ROBO2: variants seen among roughly 807,000 people sequenced by gnomAD.
ROBO2 encodes the protein roundabout guidance receptor 2.
A neutral mutation model predicts 160.8 loss-of-function variants in ROBO2; 53 were observed. That is an observed-to-expected ratio of 0.33 (90% confidence interval 0.26 to 0.41). The LOEUF is 0.41. Ranked by LOEUF, ROBO2 falls within the 10% of genes least tolerant of loss-of-function variation. The pLI, the probability that ROBO2 is intolerant of heterozygous loss-of-function variation, is 1.00. For missense variants in ROBO2, 1,577 were observed against 1,722.4 expected (o/e 0.92, Z 1.49); for synonymous variants, 664 against 611.7 (o/e 1.09, Z -1.26).
rs555940390 is a variant in ROBO2 at position 76,231,970 on chromosome 3, GTCC to G, written c.109+294371_109+294373del. On this transcript the variant is annotated intron_variant, in intron 2 of 26. Coordinates refer to the ROBO2 transcript ENST00000487694. ...CTATACAGAAGTTTTTAAAAATTGT[GTCC>G]TCATTAGTAAAATAAATTTATAGAT... Among the ~76,000 whole-genome samples, 225 of 152,170 alleles carry G rather than the reference GTCC, an allele frequency of 1.5e-3. 1 individual carries two copies. Among genetic ancestry groups the G allele is most frequent in the African/African-American group, 5.1e-3 (212 of 41,522 alleles).
Position 76,812,090 on chromosome 3 carries a change from G to A in ROBO2, c.110-285924G>A, listed in dbSNP as rs145098978. Among the ~76,000 whole-genome samples, 1,179 of 151,656 alleles carry A rather than the reference G, an allele frequency of 7.8e-3. 13 individuals carry two copies. The highest frequency in any genetic ancestry group is 0.03 in the Admixed American group (449 of 15,182). ...TTCACCGTGTTAGCAAGCCAGGATG[G>A]TCTTGATCTCTGGACCTCATGATCC... is the stretch of plus-strand genomic sequence containing the variant. On this transcript the variant is annotated intron_variant, in intron 2 of 26. Coordinates refer to the ROBO2 transcript ENST00000487694.
At chr3:76,087,868 G>A (rs2069077164) in intron 2 of ROBO2, among the ~76,000 whole-genome samples, 1 of 151,970 alleles carries the variant, frequency 6.6e-6, no homozygotes, top group South Asian at 2.1e-4. Context: ...ATTGCAACCT[G>A]TAGGGCAATC....
In ROBO2 at chr3:77,040,263, T is replaced by G. The variant is rs1340942390; in HGVS notation, c.-523T>G. Reference sequence around the variant, plus strand: ...ACACATTCTTATTATGGAAGTTAAGTAAAAATATAGACATATTAAAAAATA... The same window carrying G: ...ACACATTCTTATTATGGAAGTTAAGGAAAAATATAGACATATTAAAAAATA... On this transcript the variant is annotated 5_prime_UTR_variant, in exon 1 of 26. An upstream open reading frame in the 5' UTR loses its in-frame stop. Coordinates refer to ENST00000461745, the Ensembl canonical transcript of ROBO2. The G allele has an allele frequency of 3.1e-5, 31 of 988,726 alleles. No individual in the cohort carries two copies. The highest frequency in any genetic ancestry group is 3.7e-5 in the Non-Finnish European group (31 of 832,376). 61.2% of individuals were successfully genotyped at this position (988,726 alleles called of 1,614,324 possible).
At chr3:76,658,354 T>C (rs746587540) in intron 2 of ROBO2, among the ~76,000 whole-genome samples, 3 of 152,028 alleles carry the variant, frequency 2.0e-5, no homozygotes, top group Non-Finnish European at 2.9e-5. Flanking sequence ...TTTATTATTA[T>C]ACTTTAAGTT....
chr3:77,132,641 T>C (rs1016534946), intron 2 of ROBO2, among the ~76,000 whole-genome samples: 10 of 151,946 alleles, frequency 6.6e-5, no homozygotes, highest in African/African-American at 2.4e-4. Flanking sequence ...CTATTGCAAA[T>C]AGATGAGTAG....
At chr3:76,466,743 A>G (rs1039317581) in intron 2 of ROBO2, among the ~76,000 whole-genome samples, 11 of 151,922 alleles carry the variant, frequency 7.2e-5, no homozygotes, top group Admixed American at 7.2e-4. Context: ...GCCAACACTG[A>G]ATTTTGTACA....
At chr3:77,572,218 T>G (rs980523002) in intron 13 of ROBO2, among the ~76,000 whole-genome samples, 2 of 152,052 alleles carry the variant, frequency 1.3e-5, no homozygotes, top group Non-Finnish European at 2.9e-5. Flanking sequence ...TTTCTTTCAG[T>G]ATATAAATTC....
In ROBO2 at chr3:76,697,424, G is replaced by C. The variant is rs191727262; in HGVS notation, c.110-400590G>C. On this transcript the variant is annotated intron_variant, in intron 2 of 26. Transcript: ENST00000487694. ...TTCGAGAGTCCAAGGCAGGAGGATC[G>C]CTTGAGTCCAGGAATTGAAGACCAG... Among the ~76,000 whole-genome samples, 427 of 152,132 alleles carry C rather than the reference G, an allele frequency of 2.8e-3. 2 individuals carry two copies. Among genetic ancestry groups the C allele is most frequent in the African/African-American group, 9.4e-3 (392 of 41,514 alleles).
At chr3:77,250,018 C>A (rs2153291591) in intron 2 of ROBO2, among the ~76,000 whole-genome samples, 1 of 151,890 alleles carries the variant, frequency 6.6e-6, no homozygotes, top group East Asian at 1.9e-4. Flanking sequence ...TTATAGCATA[C>A]CAGTAATGCA....
At chr3:76,804,753 A>G (rs1173476675) in intron 2 of ROBO2, among the ~76,000 whole-genome samples, 1 of 152,204 alleles carries the variant, frequency 6.6e-6, no homozygotes, top group Non-Finnish European at 1.5e-5. Flanking sequence ...AATAGCAGTT[A>G]ACGTTTACTG....
intron 2 of ROBO2, among the ~76,000 whole-genome samples, chr3:75,949,685 T>C (rs913694718): frequency 1.3e-5 from 2 of 152,084 alleles, no homozygotes; most frequent in African/African-American, 4.8e-5. Context: ...ACTTTGTGTG[T>C]TGTTGAACAC....
At chr3:76,399,290 T>C (rs906725081) in intron 2 of ROBO2, among the ~76,000 whole-genome samples, 8 of 150,236 alleles carry the variant, frequency 5.3e-5, no homozygotes, top group Non-Finnish European at 4.4e-5. Context: ...CAGATGTTTT[T>C]TGTTAGTCTC....
chr3:77,637,842 T>C (rs1330291631), intron 24 of ROBO2, among the ~76,000 whole-genome samples: 2 of 152,158 alleles, frequency 1.3e-5, no homozygotes, highest in East Asian at 3.8e-4. Flanking sequence ...ATTGCAAGCT[T>C]TTTTAGAATG....
chr3:76,717,620 C>G (rs917695930), intron 2 of ROBO2, among the ~76,000 whole-genome samples: 1 of 152,034 alleles, frequency 6.6e-6, no homozygotes, highest in African/African-American at 2.4e-5. Context: ...GGTAGGCGAT[C>G]AAACTGAATA....
intron 2 of ROBO2, among the ~76,000 whole-genome samples, chr3:76,869,640 C>T (rs927450207): frequency 6.6e-6 from 1 of 152,012 alleles, no homozygotes; most frequent in African/African-American, 2.4e-5. Flanking sequence ...TGAGCCACCG[C>T]GCCCGGCCGA....
At chr3:76,029,823 CAT>C (rs2066861534) in intron 2 of ROBO2, among the ~76,000 whole-genome samples, 1 of 152,270 alleles carries the variant, frequency 6.6e-6, no homozygotes, top group South Asian at 2.1e-4. Flanking sequence ...CCACAATAAA[CAT>C]ATGTGTGCAT....
chr3:77,463,006 C>T (rs2082399264), intron 2 of ROBO2, among the ~76,000 whole-genome samples: 1 of 152,162 alleles, frequency 6.6e-6, no homozygotes, highest in Admixed American at 6.5e-5. Flanking sequence ...CCCAATAATT[C>T]ATACTTTCAT....
intron 2 of ROBO2, among the ~76,000 whole-genome samples, chr3:77,216,291 CA>C: frequency 6.6e-6 from 1 of 152,292 alleles, no homozygotes; most frequent in African/African-American, 2.4e-5. Context: ...GCCCCTCCCC[CA>C]GCCTCACTGC....
chr3:76,436,284 C>T (rs943524756), intron 2 of ROBO2, among the ~76,000 whole-genome samples: 5 of 152,128 alleles, frequency 3.3e-5, no homozygotes, highest in Non-Finnish European at 7.4e-5. Context: ...ATGTGCCATG[C>T]TGGTGCGCTG....
Sources: gnomAD v4.1 joint callset for allele counts (sites outside exome capture counted in the v4.1 genomes callset) on GRCh38, gnomAD v4.1.1 for gene constraint, MANE v1.5 for transcripts, NCBI Gene and HGNC (gene_info 2026-07-23, HGNC 2026-07-21) for gene names.